TXNRD2: variants seen among roughly 807,000 people sequenced by gnomAD.
The protein encoded by TXNRD2 is thioredoxin reductase 2.
Under a neutral mutation model 70.8 loss-of-function variants are expected in TXNRD2, and 67 were observed. The observed-to-expected ratio is 0.95, with a 90% confidence interval of 0.78 to 1.16. The LOEUF is 1.16. TXNRD2 is among the 50% of genes most tolerant of loss of function. The pLI is 0.00. For missense variants in TXNRD2, 644 were observed against 719.9 expected, an observed-to-expected ratio of 0.89 and a Z score of 1.21; for synonymous variants, 301 against 295.8, an observed-to-expected ratio of 1.02 and a Z score of -0.18.
chr22:19,928,646 C>A (rs889974281), intron 2 of TXNRD2, among the ~76,000 whole-genome samples: 2 of 152,152 alleles, frequency 1.3e-5, no homozygotes. Context: ...CTCAAAATCC[C>A]TATGTGGAAG....
intron 2 of TXNRD2, among the ~76,000 whole-genome samples, chr22:19,926,985 A>ATT (rs140727592): frequency 1.3e-5 from 2 of 151,930 alleles, no homozygotes; most frequent in South Asian, 2.1e-4. Context: ...TCATACATGG[A>ATT]TTTTTTTTCA....
At chr22:19,940,225 A>G (rs935569700) in intron 1 of TXNRD2, among the ~76,000 whole-genome samples, 1 of 140,830 alleles carries the variant, frequency 7.1e-6, no homozygotes, top group Non-Finnish European at 1.5e-5. Context: ...AGCTTGGGCG[A>G]CAGAGCAAGA....
chr22:19,881,399 CGGCG>C (rs757970396), intron 12 of TXNRD2: 26 of 250,246 alleles, frequency 1.0e-4, no homozygotes, highest in African/African-American at 7.2e-4. Flanking sequence ...GGAAACATCC[CGGCG>C]GGCGGCGCAC....
rs1940778058 is a variant in TXNRD2 at position 19,919,143 on chromosome 22, C to T, written c.230-139G>A. 1.6e-5 allele frequency: 11 copies of T among 703,548 alleles called. No homozygotes were observed. The South Asian group carries it at 1.8e-4, about 12-fold the overall frequency. The allele number at this position is 703,548 out of a possible 1,614,324, so 43.6% of individuals were successfully genotyped here. On this transcript the variant is annotated intron_variant, in intron 3 of 17. Coordinates refer to ENST00000400521, the MANE Select transcript of TXNRD2 (RefSeq NM_006440.5). ...CCAGCTGACATGCCACACGAATCTG[C>T]TCTCTATAACTGTACTCGAAAATAA...
At chr22:19,919,398 T>C (rs1940796169) in intron 3 of TXNRD2, 145 bp downstream of exon 3, 1 of 770,266 alleles carries the variant, frequency 1.3e-6, no homozygotes, top group South Asian at 1.5e-5. Flanking sequence ...AACTTTAAAG[T>C]AATGATGAGT....
chr22:19,933,542 G>T (rs573147683), intron 1 of TXNRD2: 2 of 1,284,656 alleles, frequency 1.6e-6, no homozygotes, highest in African/African-American at 3.0e-5. Flanking sequence ...CAGGCAGGGT[G>T]AGCAGCTGTC....
chr22:19,940,907 C>A (rs2146117270), intron 1 of TXNRD2, among the ~76,000 whole-genome samples: 1 of 152,302 alleles, frequency 6.6e-6, no homozygotes, highest in Admixed American at 6.5e-5. Flanking sequence ...TCAGCCCTCC[C>A]TCCCGAGTCC....
intron 17 of TXNRD2, chr22:19,876,763 A>C: frequency 4.9e-6 from 1 of 204,016 alleles, no homozygotes; most frequent in East Asian, 1.1e-4. Context: ...TCCACCTGGG[A>C]TAGGCTGCTA....
At chr22:19,922,021 ATCCC>A (rs1940937621) in intron 2 of TXNRD2, among the ~76,000 whole-genome samples, 1 of 152,232 alleles carries the variant, frequency 6.6e-6, no homozygotes, top group African/African-American at 2.4e-5. Context: ...TAATAACTGC[ATCCC>A]AGAACAGAGC....
intron 7 of TXNRD2, among the ~76,000 whole-genome samples, chr22:19,911,660 C>T (rs1474100749): frequency 2.0e-5 from 3 of 152,144 alleles, no homozygotes; most frequent in East Asian, 1.9e-4. Context: ...CTCCAGGTCC[C>T]GGTGCCCTCG....
chr22:19,910,712 TCCTCCCACCTAAAG>T (rs1940367618), intron 8 of TXNRD2, among the ~76,000 whole-genome samples: 1 of 152,044 alleles, frequency 6.6e-6, no homozygotes, highest in African/African-American at 2.4e-5. Flanking sequence ...GCTCAAGCAA[TCCTCCCACCTAAAG>T]CCTCCCAAGT....
rs1251276071 is a variant in TXNRD2 at position 19,900,856 on chromosome 22, C to T, written c.663-1788G>A. 2.0e-5 allele frequency among the ~76,000 whole-genome samples: 3 copies of T among 152,246 alleles called. No homozygotes were observed. In the East Asian group the frequency reaches 5.8e-4, roughly 29 times the overall value. On this transcript the variant is annotated intron_variant, in intron 8 of 17. Transcript: ENST00000400521. ...GCAAGGGTGTAACTGGGCGAGAGCC[C>T]ATTGTGTGGTGCCCTTTGCCCCCTG...
At chr22:19,902,261 T>C (rs1473346188) in intron 8 of TXNRD2, among the ~76,000 whole-genome samples, 2 of 152,204 alleles carry the variant, frequency 1.3e-5, no homozygotes, top group Non-Finnish European at 2.9e-5. Context: ...CTTTTTGGTG[T>C]GCAAACATTT....
At chr22:19,898,922 CGAG>C in intron 9 of TXNRD2, 124 bp downstream of exon 9, 1 of 1,219,526 alleles carries the variant, frequency 8.2e-7, no homozygotes, top group African/African-American at 1.5e-5. Flanking sequence ...TCCTCCACGC[CGAG>C]AGGCCCAGTA....
chr22:19,878,839 CTGG>C (rs937408943), intron 14 of TXNRD2, among the ~76,000 whole-genome samples: 3 of 152,234 alleles, frequency 2.0e-5, no homozygotes, highest in African/African-American at 7.2e-5. Context: ...CTCAGGCACC[CTGG>C]TGTTTGCTTG....
At chr22:19,886,533 T>TC (rs1164466799) in intron 11 of TXNRD2, among the ~76,000 whole-genome samples, 1 of 152,174 alleles carries the variant, frequency 6.6e-6, no homozygotes, top group Non-Finnish European at 1.5e-5. Flanking sequence ...CCCAGTCAGC[T>TC]CCCCACCATT....
chr22:19,911,268 T>C, intron 8 of TXNRD2, 109 bp downstream of exon 8: 1 of 928,606 alleles, frequency 1.1e-6, no homozygotes, highest in South Asian at 1.3e-5. Flanking sequence ...TTCTTTTGGG[T>C]AAACCGGAAA....
intron 10 of TXNRD2, 152 bp from the exon 11 acceptor site, chr22:19,895,733 TTG>T: frequency 1.1e-6 from 1 of 871,766 alleles, no homozygotes. Context: ...CTACGTCCTC[TTG>T]CTCTCTGTGG....
At chr22:19,883,690 A>G in intron 11 of TXNRD2, 2 of 564,974 alleles carry the variant, frequency 3.5e-6, no homozygotes, top group Non-Finnish European at 6.4e-6. Flanking sequence ...GTGATGGCTC[A>G]TGCCTATAAT....
Sources: gnomAD v4.1 joint callset for allele counts (sites outside exome capture counted in the v4.1 genomes callset) on GRCh38, gnomAD v4.1.1 for gene constraint, MANE v1.5 for transcripts, NCBI Gene and HGNC (gene_info 2026-07-23, HGNC 2026-07-21) for gene names.